Variants in COG1 observed in about 807,000 individuals in gnomAD.
COG1 encodes component of oligomeric golgi complex 1.
In COG1, 61 loss-of-function variants were observed where a neutral mutation model predicts 102.2. The ratio of observed to expected loss-of-function variants is 0.60; its 90% CI spans 0.49 to 0.74. The LOEUF is 0.74. Ranked by LOEUF, COG1 falls within the 30% of genes least tolerant of loss-of-function variation. COG1 has a pLI of 0.00. For synonymous variants in COG1, 454 were observed against 493.6 expected, an observed-to-expected ratio of 0.92 and a Z score of 1.06; for missense variants, 1,164 against 1,232.1, an observed-to-expected ratio of 0.94 and a Z score of 0.83.
chr17:73,207,786 A>G (rs1051137683), intron 13 of COG1: 6 of 1,288,306 alleles, frequency 4.7e-6, no homozygotes, highest in South Asian at 1.2e-5. Flanking sequence ...AAGCTCAAAC[A>G]GCTTGTCTTC....
At chr17:73,206,654 TTGC>T in intron 11 of COG1, 51 bp from the exon 12 acceptor site, 21 of 1,157,258 alleles carry the variant, frequency 1.8e-5, no homozygotes, top group Middle Eastern at 2.0e-4. Flanking sequence ...TTTTTTTTTT[TTGC>T]CTTTCTTTTA....
chr17:73,208,245 G>A (rs939990905), intron 13 of COG1, 69 bp from the exon 14 acceptor site: 14 of 1,609,210 alleles, frequency 8.7e-6, no homozygotes, highest in South Asian at 5.5e-5. Context: ...GAGTGGCGTC[G>A]CGCGGAGGGC....
Position 73,204,348 on chromosome 17 carries a change from G to T in COG1, c.2382+555G>T, listed in dbSNP as rs545759783. ...AAACCGCTCAGTGGTTTCCTCACTT[G>T]TAAAAGGCAGACAGCCCCCGGCCCC... On this transcript the variant is annotated intron_variant, in intron 9 of 13. Coordinates refer to ENST00000299886, the MANE Select transcript of COG1 (RefSeq NM_018714.3). Among the ~76,000 whole-genome samples, 3 of 152,220 alleles carry T rather than the reference G, an allele frequency of 2.0e-5. No homozygotes were observed. The South Asian group carries it at 6.2e-4, about 32-fold the overall frequency.
In COG1 at chr17:73,206,160, G is replaced by A. The variant is rs758399872; in HGVS notation, c.2517G>A (p.Glu839=). ...SGRSKPDSRI[E]KVTDHLEALI... ...ATCCTAATCCTTTTCTCAGAATTGAGAAAGTGACTGACCACCTGGAAGCCC... is the reference window on the plus strand; with the variant it reads ...ATCCTAATCCTTTTCTCAGAATTGAAAAAGTGACTGACCACCTGGAAGCCC... Residue 839 remains glutamate, a synonymous_variant, in exon 11 of 14, where the codon GAG becomes GAA. Transcript: ENST00000299886. 6.2e-7 allele frequency: 1 copy of A among 1,613,392 alleles called. No homozygotes were observed.
chr17:73,207,090 C>G (rs2061378748), intron 12 of COG1, 91 bp from the exon 13 acceptor site: 1 of 680,264 alleles, frequency 1.5e-6, no homozygotes, highest in African/African-American at 5.9e-5. Flanking sequence ...GAGACTCTGT[C>G]TCAAAAAAAA....
chr17:73,199,766 G>A (rs1192449426), intron 4 of COG1, 99 bp from the exon 5 acceptor site: 4 of 1,415,136 alleles, frequency 2.8e-6, no homozygotes, highest in Non-Finnish European at 4.0e-6. Context: ...TAGAGGTGAG[G>A]TTTCACTGTG....
chr17:73,196,647 C>T lies in COG1; in HGVS notation c.456C>T (p.His152=). Reference sequence around the variant, plus strand: ...CACAGCTCTACCTGCTCTGCTGCCACCTCCACAGCCTGCTCCAGCTGGATT... The same window carrying T: ...CACAGCTCTACCTGCTCTGCTGCCATCTCCACAGCCTGCTCCAGCTGGATT... The part of the protein sequence containing the change: ...HATQLYLLCC[H]LHSLLQLDSS... The change falls in exon 2 of 14, where the codon CAC becomes CAT. Residue 152 remains histidine (H), a synonymous_variant. Coordinates refer to ENST00000299886, the MANE Select transcript of COG1 (RefSeq NM_018714.3). The T allele has an allele frequency of 6.2e-7, 1 of 1,614,226 alleles. No homozygotes were observed. The highest frequency in any genetic ancestry group is 8.5e-7 in the Non-Finnish European group (1 of 1,180,042).
intron 10 of COG1, 103 bp from the exon 11 acceptor site, chr17:73,206,051 T>C (rs2061370067): frequency 3.1e-6 from 3 of 970,086 alleles, no homozygotes; most frequent in African/African-American, 1.6e-5. Flanking sequence ...AGCAACTAAG[T>C]AGAATAAAAC....
At chr17:73,193,740 G>C (rs954739524) in intron 1 of COG1, among the ~76,000 whole-genome samples, 2 of 152,132 alleles carry the variant, frequency 1.3e-5, no homozygotes, top group Non-Finnish European at 2.9e-5. Flanking sequence ...AACATGTCCT[G>C]ACATTGTTTT....
intron 13 of COG1, 37 bp from the exon 14 acceptor site, chr17:73,208,276 GC>G: frequency 1.2e-6 from 2 of 1,611,808 alleles, no homozygotes; most frequent in Non-Finnish European, 1.7e-6. Context: ...GAGGGCTCAG[GC>G]CAACTCTAAG....
chr17:73,200,722 G>T lies in COG1; in HGVS notation c.1227G>T (p.Lys409Asn). 1 of 1,613,932 alleles carries T rather than the reference G, an allele frequency of 6.2e-7. No individual in the cohort carries two copies. Among genetic ancestry groups the T allele is most frequent in the Non-Finnish European group, 8.5e-7 (1 of 1,179,842 alleles). The part of the protein sequence containing the change: ...WDVLCRRLLE[K>N]PLLFWEDMMQ... ...TGCTATGTCGGCGGCTTCTGGAGAA[G>T]CCGCTCTTGTTCTGGGAAGATATGA... Residue 409 changes from lysine (K) to asparagine (N), a missense_variant, in exon 6 of 14, where the codon AAG (lysine) becomes AAT (asparagine). Physicochemically the swap from Lys to Asn is moderately conservative, Grantham distance 94. Coordinates refer to ENST00000299886, the MANE Select transcript of COG1 (RefSeq NM_018714.3).
At position 73,208,454 on chromosome 17, in the gene COG1, T is replaced by A; in HGVS notation, c.*3T>A. The A allele has an allele frequency of 6.2e-7, 1 of 1,614,016 alleles. No individual in the cohort carries two copies. The highest frequency in any genetic ancestry group is 8.5e-7 in the Non-Finnish European group (1 of 1,179,950). Reference sequence around the variant, plus strand: ...GGCTCTCTAGTATGACTAAGTAACATGGCAACACATCTGTCTCTCCCTAAA... The same window carrying A: ...GGCTCTCTAGTATGACTAAGTAACAAGGCAACACATCTGTCTCTCCCTAAA... On this transcript the variant is annotated 3_prime_UTR_variant, in exon 14 of 14. Coordinates refer to ENST00000299886, the MANE Select transcript of COG1 (RefSeq NM_018714.3).
chr17:73,193,276 G>C lies in COG1; in HGVS notation c.207G>C (p.Met69Ile). 1 of 1,603,030 alleles carries C rather than the reference G, an allele frequency of 6.2e-7. No individual in the cohort carries two copies. The highest frequency in any genetic ancestry group is 8.5e-7 in the Non-Finnish European group (1 of 1,176,062). ...LIEAADTIGQ[M>I]RRCAVGLVDA... is the part of the protein sequence containing the mutation. ...AGGCGGCCGACACCATCGGCCAGATGCGCCGCTGCGCCGTGGGGCTAGTGG... is the reference window on the plus strand; with the variant it reads ...AGGCGGCCGACACCATCGGCCAGATCCGCCGCTGCGCCGTGGGGCTAGTGG... Residue 69 changes from methionine (M) to isoleucine (I), a missense_variant, in exon 1 of 14, where the codon ATG (methionine) becomes ATC (isoleucine). Physicochemically the swap from Met to Ile is conservative, Grantham distance 10. Transcript: ENST00000299886.
chr17:73,194,217 T>C (rs1044233064), intron 1 of COG1, among the ~76,000 whole-genome samples: 1 of 145,820 alleles, frequency 6.9e-6, no homozygotes, highest in Non-Finnish European at 1.5e-5. Flanking sequence ...CCGAGGCGGG[T>C]GGATCACGAG....
intron 9 of COG1, among the ~76,000 whole-genome samples, chr17:73,204,012 A>C (rs2061357944): frequency 6.6e-6 from 1 of 152,130 alleles, no homozygotes; most frequent in Non-Finnish European, 1.5e-5. Flanking sequence ...TTCGCTAAGA[A>C]GGCAGCTCAG....
Position 73,196,567 on chromosome 17 carries a change from G to T in COG1, c.376G>T (p.Glu126Ter), listed in dbSNP as rs1298300459. The change falls in exon 2 of 14, where the codon GAA becomes TAA. Residue 126 changes from glutamate (E) to a stop codon, truncating the protein, a stop_gained. Transcript: ENST00000299886. LOFTEE classifies it high-confidence loss of function. The part of the protein sequence containing the change: ...SMAAQIKLLL[E>*]IPEKIWSSME... ...GGCTGCCCAGATCAAGCTACTCTTA[G>T]AAATTCCGGAGAAGATCTGGAGCTC... 1 of 1,614,232 alleles carries T rather than the reference G, an allele frequency of 6.2e-7. No homozygotes were observed. The highest frequency in any genetic ancestry group is 1.3e-5 in the African/African-American group (1 of 75,052).
At chr17:73,196,474 T>A in intron 1 of COG1, 33 bp from the exon 2 acceptor site, 1 of 1,614,042 alleles carries the variant, frequency 6.2e-7, no homozygotes, top group Non-Finnish European at 8.5e-7. Flanking sequence ...TTTTGTTCGT[T>A]CTTCTGGTTT....
chr17:73,207,560 C>CTA (rs2061384221), intron 13 of COG1: 1 of 674,074 alleles, frequency 1.5e-6, no homozygotes, highest in African/African-American at 1.8e-5. Flanking sequence ...CAACCCGGCA[C>CTA]TATCATTGTA....
Position 73,201,892 on chromosome 17 carries a change from G to C in COG1, c.2065G>C (p.Val689Leu). The stretch of plus-strand genomic sequence containing the variant: ...GGGCTACCAGGTCTGGAGCAGTGCA[G>C]TTGTGAAAGTGAGTGATGTAATTTC... ...VMGYQVWSSA[V>L]VKVLIHGFTQ... is the part of the protein sequence containing the mutation. Residue 689 changes from valine (V) to leucine (L), a missense_variant, in exon 7 of 14, where the codon GTT becomes CTT. Val to Leu is a conservative substitution (Grantham distance 32). Transcript: ENST00000299886. 1.9e-6 allele frequency: 3 copies of C among 1,614,068 alleles called. No homozygotes were observed. Among genetic ancestry groups the C allele is most frequent in the Non-Finnish European group, 2.5e-6 (3 of 1,179,956 alleles).
Sources: gnomAD v4.1 joint callset for allele counts (sites outside exome capture counted in the v4.1 genomes callset) on GRCh38, gnomAD v4.1.1 for gene constraint, MANE v1.5 for transcripts, NCBI Gene and HGNC (gene_info 2026-07-23, HGNC 2026-07-21) for gene names.